PCDHA5: variants seen among roughly 807,000 people sequenced by gnomAD.
PCDHA5 encodes protocadherin alpha-5.
PCDHA5 carries 43 observed loss-of-function variants against 61.6 expected under a neutral mutation model. The observed-to-expected ratio is 0.70, with a 90% CI of 0.55 to 0.90. The LOEUF (loss-of-function observed/expected upper bound fraction) is 0.90, where lower values mean the gene tolerates loss of function less well. Among genes scored for constraint, PCDHA5 ranks in the 40% least tolerant of loss-of-function variants. The pLI is 0.00. For missense variants in PCDHA5, 1,298 were observed against 1,222.7 expected (o/e 1.06, Z -0.92); for synonymous variants, 627 against 543.9 (o/e 1.15, Z -2.13).
In PCDHA5 at chr5:140,900,299, G is replaced by T. The variant is rs1042472528; in HGVS notation, c.2352+76172G>T. ...CCACACTTTCTTTTCTGTTTTTTTA[G>T]ACAGTCTCACTTTTGTCGCCCAGGC... On this transcript the variant is annotated intron_variant, in intron 1 of 3. Coordinates refer to ENST00000529859, the MANE Select transcript of PCDHA5 (RefSeq NM_018908.3). 2.0e-5 allele frequency among the ~76,000 whole-genome samples: 3 copies of T among 151,604 alleles called. No homozygotes were observed. The East Asian group carries it at 5.8e-4, about 29-fold the overall frequency.
intron 1 of PCDHA5, chr5:140,883,531 T>G: frequency 6.2e-7 from 1 of 1,614,210 alleles, no homozygotes; most frequent in Non-Finnish European, 8.5e-7. Flanking sequence ...TATCAGCCTA[T>G]GAACTGGTGG....
At chr5:140,836,556 G>T (rs1441069501) in intron 1 of PCDHA5, 2 of 1,613,776 alleles carry the variant, frequency 1.2e-6, no homozygotes, top group Non-Finnish European at 1.7e-6. Flanking sequence ...GCGGTGCTCA[G>T]CGCCGTCCTC....
chr5:140,978,810 G>C, intron 1 of PCDHA5, 139 bp from the exon 2 acceptor site: 2 of 1,500,034 alleles, frequency 1.3e-6, no homozygotes, highest in Non-Finnish European at 1.8e-6. Flanking sequence ...TATCATCATA[G>C]AGTTACACAT....
At chr5:140,897,356 CCA>C (rs2066046729) in intron 1 of PCDHA5, among the ~76,000 whole-genome samples, 1 of 134,770 alleles carries the variant, frequency 7.4e-6, no homozygotes, top group South Asian at 2.4e-4. Context: ...ACAACTGTCC[CCA>C]GAGTGTGATG....
chr5:140,889,424 A>G (rs2062220483), intron 1 of PCDHA5, among the ~76,000 whole-genome samples: 1 of 151,956 alleles, frequency 6.6e-6, no homozygotes, highest in African/African-American at 2.4e-5. Context: ...CGTAGATAAT[A>G]TTTTTTCAGG....
At position 140,834,385 on chromosome 5, in the gene PCDHA5, T is replaced by G. The variant is rs200135571; in HGVS notation, c.2352+10258T>G. The G allele has an allele frequency of 5.7e-5, 89 of 1,568,318 alleles. No homozygotes were observed. In the African/African-American group the frequency reaches 1.1e-3, roughly 20 times the overall value. On this transcript the variant is annotated intron_variant, in intron 1 of 3. Transcript: ENST00000529859. ...AGAAAAACAAGCCAATAATTTGAAA[T>G]GGTGTGCCCGAATGGATACGACCCA...
intron 1 of PCDHA5, chr5:140,834,524 C>G: frequency 6.2e-7 from 1 of 1,614,088 alleles, no homozygotes; most frequent in African/African-American, 1.3e-5. Flanking sequence ...TCGTGGGCCG[C>G]ATCGCGCAGG....
chr5:140,957,416 A>T (rs1456143168), intron 1 of PCDHA5, among the ~76,000 whole-genome samples: 2 of 152,144 alleles, frequency 1.3e-5, no homozygotes, highest in East Asian at 1.9e-4. Flanking sequence ...TATTGTTGTT[A>T]ATCTTTTACT....
intron 1 of PCDHA5, chr5:140,875,942 C>T: frequency 1.2e-6 from 2 of 1,614,190 alleles, no homozygotes; most frequent in Non-Finnish European, 1.7e-6. Context: ...CTAGAGGGCG[C>T]TTCTGATGCG....
At chr5:140,848,698 CCAAAGG>C (rs2040558195) in intron 1 of PCDHA5, 1 of 1,592,180 alleles carries the variant, frequency 6.3e-7, no homozygotes, top group African/African-American at 1.3e-5. Context: ...CAGTTGGATT[CCAAAGG>C]CCGCGGGGAC....
rs112458290 is a variant in PCDHA5, at chr5:140,842,855, A to G, written c.2352+18728A>G. 3.5e-3 allele frequency: 5,603 copies of G among 1,593,762 alleles called. 526 individuals carry two copies. The African/African-American group carries it at 0.06, about 17-fold the overall frequency. On this transcript the variant is annotated intron_variant, in intron 1 of 3. Coordinates refer to ENST00000529859, the MANE Select transcript of PCDHA5 (RefSeq NM_018908.3). ...GCTGTCGAGCTACATTTCGGTGCACACGGAGAGCGGCAAGGTGTACGCGCT... is the reference window on the plus strand; with the variant it reads ...GCTGTCGAGCTACATTTCGGTGCACGCGGAGAGCGGCAAGGTGTACGCGCT...
At chr5:140,882,325 G>A (rs2059066855) in intron 1 of PCDHA5, 1 of 1,614,182 alleles carries the variant, frequency 6.2e-7, no homozygotes, top group Non-Finnish European at 8.5e-7. Context: ...TCTGGCTTCT[G>A]ATCCTCGCAG....
intron 1 of PCDHA5, among the ~76,000 whole-genome samples, chr5:140,936,326 AT>A: frequency 6.6e-6 from 1 of 152,256 alleles, no homozygotes; most frequent in South Asian, 2.1e-4. Flanking sequence ...CATGCTATAA[AT>A]TTTCTCTATC....
At chr5:140,827,495 A>G (rs1769309014) in intron 1 of PCDHA5, among the ~76,000 whole-genome samples, 1 of 152,240 alleles carries the variant, frequency 6.6e-6, no homozygotes, top group Admixed American at 6.5e-5. Flanking sequence ...CATGGACTTC[A>G]ATAATCTATA....
intron 1 of PCDHA5, chr5:140,875,900 C>G (rs1554168051): frequency 1.2e-6 from 2 of 1,614,174 alleles, no homozygotes; most frequent in South Asian, 2.2e-5. Flanking sequence ...GTACCTGTTT[C>G]TGAATCTGCG....
Position 140,821,746 on chromosome 5 carries a change from T to G in PCDHA5, c.-30T>G. 6.4e-7 allele frequency: 1 copy of G among 1,569,278 alleles called. No homozygotes were observed. On this transcript the variant is annotated 5_prime_UTR_variant, in exon 1 of 4. The change abolishes the stop of an existing upstream ORF in the 5' untranslated region. Coordinates refer to ENST00000529859, the MANE Select transcript of PCDHA5 (RefSeq NM_018908.3). ...CAAAATACATTGTGTGGTGATGCAA[T>G]AGAAAGCTCATAATTGGAACGAGAT...
At position 140,937,762 on chromosome 5, in the gene PCDHA5, A is replaced by T. The variant is rs955142751; in HGVS notation, c.2353-41187A>T. Among the ~76,000 whole-genome samples, 6 of 151,868 alleles carry T rather than the reference A, an allele frequency of 4.0e-5. No individual in the cohort carries two copies. The South Asian group carries it at 6.2e-4, about 16-fold the overall frequency. On this transcript the variant is annotated intron_variant, in intron 1 of 3. Coordinates refer to ENST00000529859, the MANE Select transcript of PCDHA5 (RefSeq NM_018908.3). ...CCCGTCTCTACTAAAAATACAAAAA[A>T]TTAGTCGGGCGTGGTGGCGGGCGTA... is the stretch of plus-strand genomic sequence containing the variant.
At chr5:140,875,951 C>T in intron 1 of PCDHA5, 1 of 1,614,116 alleles carries the variant, frequency 6.2e-7, no homozygotes, top group South Asian at 1.1e-5. Context: ...GCTTCTGATG[C>T]GGATATCGGC....
Position 140,855,115 on chromosome 5 carries a change from T to G in PCDHA5, c.2352+30988T>G, listed in dbSNP as rs1220920177. On this transcript the variant is annotated intron_variant, in intron 1 of 3. Coordinates refer to ENST00000529859, the MANE Select transcript of PCDHA5 (RefSeq NM_018908.3). ...TGTGCAGTAGCAATAATTAAGGCAT[T>G]CTATAGGTAATAATTTTGCCTGATG... 1.3e-5 allele frequency among the ~76,000 whole-genome samples: 2 copies of G among 149,816 alleles called. 1 individual carries two copies. The highest frequency in any genetic ancestry group is 3.0e-5 in the Non-Finnish European group (2 of 67,072).
Sources: gnomAD v4.1 joint callset for allele counts (sites outside exome capture counted in the v4.1 genomes callset) on GRCh38, gnomAD v4.1.1 for gene constraint, MANE v1.5 for transcripts, NCBI Gene and HGNC (gene_info 2026-07-23, HGNC 2026-07-21) for gene names.